Variants in CFAP61 observed in about 807,000 individuals in gnomAD.
CFAP61 encodes cilia- and flagella-associated protein 61.
Under a neutral mutation model 135.6 loss-of-function variants are expected in CFAP61, and 107 were observed. The observed-to-expected ratio is 0.79, with a 90% CI of 0.67 to 0.93. The LOEUF (loss-of-function observed/expected upper bound fraction) is 0.93, where lower values mean the gene tolerates loss of function less well. Ranked by LOEUF, CFAP61 falls within the 40% of genes least tolerant of loss-of-function variation. The probability of loss-of-function intolerance (pLI) is 0.00; values close to 1 mark genes in which losing one functional copy is unlikely to be tolerated. For synonymous variants in CFAP61, 575 were observed against 578.5 expected (o/e 0.99, Z 0.09); for missense variants, 1,507 against 1,556.2 (o/e 0.97, Z 0.53).
At chr20:20,202,465 C>T (rs942808654) in intron 17 of CFAP61, among the ~76,000 whole-genome samples, 6 of 152,164 alleles carry the variant, frequency 3.9e-5, no homozygotes, top group African/African-American at 1.2e-4. Flanking sequence ...GATTATTTAT[C>T]GAGACCATAA....
rs144365255 is a variant in CFAP61, at chr20:20,290,300, G to A, written c.3125G>A (p.Gly1042Glu). Residue 1042 changes from glycine to glutamate, a missense_variant and splice_region_variant, in exon 24 of 27, where the codon GGG becomes GAG. Coordinates refer to ENST00000245957, the MANE Select transcript of CFAP61 (RefSeq NM_015585.4). Reference sequence around the variant, plus strand: ...ATGGAAAACTTGCCATCTCTTCTAGGGGGCATTCTTCCTGGGTCTTACCAT... The same window carrying A: ...ATGGAAAACTTGCCATCTCTTCTAGAGGGCATTCTTCCTGGGTCTTACCAT... ...IPMYKGAKIQ[G>E]GILPGSYHYL... The A allele has an allele frequency of 1.9e-5, 31 of 1,601,620 alleles. No individual in the cohort carries two copies. In the African/African-American group the frequency reaches 3.1e-4, roughly 16 times the overall value.
At chr20:20,310,492 T>C (rs2056755408) in intron 25 of CFAP61, among the ~76,000 whole-genome samples, 1 of 152,326 alleles carries the variant, frequency 6.6e-6, no homozygotes, top group African/African-American at 2.4e-5. Context: ...GTAAGTACCA[T>C]GGTTCGTCTC....
intron 20 of CFAP61, chr20:20,253,653 A>C: frequency 2.3e-6 from 1 of 440,914 alleles, no homozygotes; most frequent in Admixed American, 2.4e-5. Context: ...GCACCTACCA[A>C]CTCCACCTTT....
At chr20:20,290,799 C>T (rs1267046786) in intron 24 of CFAP61, among the ~76,000 whole-genome samples, 1 of 152,166 alleles carries the variant, frequency 6.6e-6, no homozygotes, top group African/African-American at 2.4e-5. Context: ...GCCAGGCAGA[C>T]GAGTGTGCCA....
Position 20,245,570 on chromosome 20 carries a change from A to G in CFAP61, c.2061-547A>G, listed in dbSNP as rs2050383250. ...AACACGTGGGAATTATGGGAGCTAC[A>G]CGATGAGATTTGAGTGGGGACACAG... On this transcript the variant is annotated intron_variant, in intron 18 of 26. Transcript: ENST00000245957. Among the ~76,000 whole-genome samples the G allele has an allele frequency of 2.0e-5, 3 of 152,202 alleles. No homozygotes were observed. The South Asian group carries it at 6.2e-4, about 32-fold the overall frequency.
At chr20:20,153,945 G>A (rs2052662550) in intron 9 of CFAP61, among the ~76,000 whole-genome samples, 1 of 151,930 alleles carries the variant, frequency 6.6e-6, no homozygotes, top group Non-Finnish European at 1.5e-5. Context: ...GATGAACATA[G>A]TTGCAAAAAT....
chr20:20,341,730 A>G, intron 25 of CFAP61, 101 bp from the exon 26 acceptor site: 1 of 727,596 alleles, frequency 1.4e-6, no homozygotes, highest in Middle Eastern at 3.5e-4. Flanking sequence ...GATTGCAATG[A>G]GGCCAGAACT....
At chr20:20,307,549 C>T (rs566105090) in intron 25 of CFAP61, among the ~76,000 whole-genome samples, 127 of 152,194 alleles carry the variant, frequency 8.3e-4, no homozygotes, top group Non-Finnish European at 1.5e-3. Flanking sequence ...TACAGTATTC[C>T]CTCCCCCTCC....
rs1471173700 is a variant in CFAP61 at position 20,277,456 on chromosome 20, T to C, written c.2794T>C (p.Ser932Pro). The C allele has an allele frequency of 1.9e-6, 3 of 1,601,640 alleles. No individual in the cohort carries two copies. Among genetic ancestry groups the C allele is most frequent in the Non-Finnish European group, 1.7e-6 (2 of 1,171,482 alleles). ...TPTKPFRLQC[S>P]MFFSFCEKNV... Reference sequence around the variant, plus strand: ...CACCAAGCCTTTCAGACTCCAGTGCTCTGTAAGTGGGTCCCTGCAAACCTC... The same window carrying C: ...CACCAAGCCTTTCAGACTCCAGTGCCCTGTAAGTGGGTCCCTGCAAACCTC... The change falls in exon 22 of 27, where the codon TCT (serine) becomes CCT (proline). Residue 932 changes from serine to proline, a missense_variant and splice_region_variant. Physicochemically the swap from Ser to Pro is moderately conservative, Grantham distance 74 (BLOSUM62 -1). Transcript: ENST00000245957.
At chr20:20,309,586 T>C (rs1480896343) in intron 25 of CFAP61, among the ~76,000 whole-genome samples, 2 of 152,182 alleles carry the variant, frequency 1.3e-5, no homozygotes, top group Admixed American at 1.3e-4. Flanking sequence ...TTTCCTGACT[T>C]TCTGTCAAGT....
chr20:20,259,422 AT>A (rs11480895), intron 20 of CFAP61, among the ~76,000 whole-genome samples: 14,426 of 135,486 alleles, frequency 0.11, 711 homozygotes, highest in Middle Eastern at 0.16. Context: ...AACCCAGCTA[AT>A]TTTTTTTTTT....
intron 6 of CFAP61, among the ~76,000 whole-genome samples, chr20:20,084,561 G>A (rs1013875354): frequency 2.0e-5 from 3 of 152,166 alleles, no homozygotes; most frequent in African/African-American, 7.2e-5. Flanking sequence ...TTTCCTCTGG[G>A]GCCGTAATCA....
chr20:20,266,195 A>T (rs1401461374), intron 21 of CFAP61, among the ~76,000 whole-genome samples: 4 of 152,338 alleles, frequency 2.6e-5, no homozygotes. Flanking sequence ...AAATCACTTC[A>T]GTCACCTTGT....
At chr20:20,153,546 A>G (rs1441196817) in intron 9 of CFAP61, among the ~76,000 whole-genome samples, 1 of 151,946 alleles carries the variant, frequency 6.6e-6, no homozygotes, top group African/African-American at 2.4e-5. Context: ...TGATATTACA[A>G]CCAATACCAC....
intron 6 of CFAP61, among the ~76,000 whole-genome samples, chr20:20,085,918 A>G (rs948085053): frequency 6.6e-6 from 1 of 152,302 alleles, no homozygotes; most frequent in East Asian, 1.9e-4. Context: ...CTTATTAGCA[A>G]TGCCCTTTTG....
At chr20:20,246,604 G>A (rs2050476054) in intron 19 of CFAP61, among the ~76,000 whole-genome samples, 1 of 152,230 alleles carries the variant, frequency 6.6e-6, no homozygotes, top group Admixed American at 6.5e-5. Flanking sequence ...TTTGTACTCA[G>A]CAGCTGATCA....
At position 20,174,641 on chromosome 20, in the gene CFAP61, C is replaced by G. The variant is rs2054472559; in HGVS notation, c.1385+5181C>G. On this transcript the variant is annotated intron_variant, in intron 13 of 26. Transcript: ENST00000245957. ...AAAGTCCGCACTCCTGCACCCTCTT[C>G]AGGCAGCTGATCGTGGCTGCAGGAG... Among the ~76,000 whole-genome samples, 4 of 152,168 alleles carry G rather than the reference C, an allele frequency of 2.6e-5. No individual in the cohort carries two copies. The South Asian group carries it at 8.3e-4, about 31-fold the overall frequency.
At chr20:20,300,753 G>A (rs1008304084) in intron 25 of CFAP61, among the ~76,000 whole-genome samples, 1 of 151,812 alleles carries the variant, frequency 6.6e-6, no homozygotes, top group Non-Finnish European at 1.5e-5. Flanking sequence ...TTACAGGCAC[G>A]TGCTACCACA....
At chr20:20,101,423 T>C (rs1040564) in intron 8 of CFAP61, among the ~76,000 whole-genome samples, 120,503 of 151,912 alleles carry the variant, frequency 0.79, 48,145 homozygotes, top group East Asian at 0.99. Flanking sequence ...CATTTTTTAC[T>C]TGCTAAAGCT....
Sources: gnomAD v4.1 joint callset for allele counts (sites outside exome capture counted in the v4.1 genomes callset) on GRCh38, gnomAD v4.1.1 for gene constraint, MANE v1.5 for transcripts, NCBI Gene and HGNC (gene_info 2026-07-23, HGNC 2026-07-21) for gene names.